FARS2: variants seen among roughly 807,000 people sequenced by gnomAD.
The protein encoded by FARS2 is phenylalanyl-tRNA synthetase 2, mitochondrial.
A neutral mutation model predicts 46.4 loss-of-function variants in FARS2; 40 were observed. The ratio of observed to expected loss-of-function variants is 0.86; its 90% CI spans 0.67 to 1.12. The LOEUF (loss-of-function observed/expected upper bound fraction) is 1.12, where lower values mean the gene tolerates loss of function less well. Among genes scored for constraint, FARS2 ranks in the 50% most tolerant of loss-of-function variants. The probability of loss-of-function intolerance (pLI) is 0.00; values close to 1 mark genes in which losing one functional copy is unlikely to be tolerated. For synonymous variants in FARS2, 234 were observed against 214.9 expected, an observed-to-expected ratio of 1.09 and a Z score of -0.78; for missense variants, 513 against 567.9, an observed-to-expected ratio of 0.90 and a Z score of 0.98.
chr6:5,731,047 C>A (rs970258345), intron 6 of FARS2, among the ~76,000 whole-genome samples: 3 of 152,156 alleles, frequency 2.0e-5, no homozygotes. Context: ...AACACTGAGA[C>A]CTGGAGCATG....
At chr6:5,693,940 A>G (rs1218855726) in intron 6 of FARS2, among the ~76,000 whole-genome samples, 4 of 152,202 alleles carry the variant, frequency 2.6e-5, no homozygotes, top group African/African-American at 7.2e-5. Context: ...GTCACATAGC[A>G]TCATTTCCAC....
At chr6:5,507,125 T>G (rs1768147905) in intron 4 of FARS2, among the ~76,000 whole-genome samples, 2 of 152,238 alleles carry the variant, frequency 1.3e-5, no homozygotes, top group African/African-American at 4.8e-5. Flanking sequence ...AATACAGTGC[T>G]TGCAGCCTTT....
At chr6:5,742,210 C>CTCAT (rs1761386977) in intron 6 of FARS2, among the ~76,000 whole-genome samples, 2 of 152,224 alleles carry the variant, frequency 1.3e-5, no homozygotes, top group Non-Finnish European at 2.9e-5. Context: ...CAGCCGGCAT[C>CTCAT]TCATGTCCCA....
At chr6:5,344,275 G>A (rs748610435) in intron 1 of FARS2, among the ~76,000 whole-genome samples, 3 of 152,172 alleles carry the variant, frequency 2.0e-5, no homozygotes, top group Non-Finnish European at 2.9e-5. Flanking sequence ...AGAGGAATAG[G>A]TTCCTGGAGA....
At chr6:5,549,900 A>G (rs990035699) in intron 5 of FARS2, among the ~76,000 whole-genome samples, 1 of 152,156 alleles carries the variant, frequency 6.6e-6, no homozygotes, top group African/African-American at 2.4e-5. Flanking sequence ...AACCCATTGC[A>G]AAATCAACTC....
intron 6 of FARS2, among the ~76,000 whole-genome samples, chr6:5,657,412 G>C (rs1246979601): frequency 1.3e-5 from 2 of 152,194 alleles, no homozygotes; most frequent in African/African-American, 4.8e-5. Flanking sequence ...ATCAAGCTTA[G>C]AATAGGAAAT....
chr6:5,472,979 T>C (rs1765888601), intron 4 of FARS2, among the ~76,000 whole-genome samples: 2 of 152,212 alleles, frequency 1.3e-5, no homozygotes. Flanking sequence ...GGATGAAGTA[T>C]CTGCAAATAT....
chr6:5,444,491 AAAGAGAGAGAGAGAGAGAGAGAGG>A (rs1764053638), intron 4 of FARS2, among the ~76,000 whole-genome samples: 5 of 17,912 alleles, frequency 2.8e-4, no homozygotes, highest in African/African-American at 1.1e-3. Context: ...AAAAAAAAAA[AAAGAGAGAGAGAGAGAGAGAGAGG>A]AAAAAATCTT....
chr6:5,327,552 C>T (rs190334275), intron 1 of FARS2, among the ~76,000 whole-genome samples: 2 of 152,320 alleles, frequency 1.3e-5, no homozygotes, highest in Admixed American at 1.3e-4. Flanking sequence ...CACACACTCT[C>T]TTGCCTGCCA....
chr6:5,725,121 A>C (rs796099690), intron 6 of FARS2, among the ~76,000 whole-genome samples: 4 of 152,400 alleles, frequency 2.6e-5, no homozygotes, highest in African/African-American at 9.6e-5. Flanking sequence ...TGGGATTTCC[A>C]TGAAATCTCT....
In FARS2 at chr6:5,499,802, G is replaced by A. The variant is rs140422705; in HGVS notation, c.905-45378G>A. 3.3e-3 allele frequency among the ~76,000 whole-genome samples: 495 copies of A among 152,228 alleles called. 6 individuals carry two copies. The highest frequency in any genetic ancestry group is 0.011 in the African/African-American group (437 of 41,534). On this transcript the variant is annotated intron_variant, in intron 4 of 6. Coordinates refer to ENST00000274680, the MANE Select transcript of FARS2 (RefSeq NM_006567.5). Reference sequence around the variant, plus strand: ...AATATCTTTGATGAGATCATAAGTCGTTCTTTTACTTTTTAAAACTAAGTG... The same window carrying A: ...AATATCTTTGATGAGATCATAAGTCATTCTTTTACTTTTTAAAACTAAGTG...
intron 5 of FARS2, among the ~76,000 whole-genome samples, chr6:5,565,678 A>G (rs1319267065): frequency 6.6e-6 from 1 of 152,250 alleles, no homozygotes; most frequent in Non-Finnish European, 1.5e-5. Flanking sequence ...AATATAACTT[A>G]AAGAAGATTG....
intron 5 of FARS2, among the ~76,000 whole-genome samples, chr6:5,573,304 A>G (rs1162056054): frequency 6.6e-6 from 1 of 152,212 alleles, no homozygotes; most frequent in African/African-American, 2.4e-5. Context: ...TCTCATTGAA[A>G]ACAATAGGCA....
upstream of FARS2, among the ~76,000 whole-genome samples, chr6:5,257,165 GC>G (rs1197844886): frequency 6.6e-6 from 1 of 152,110 alleles, no homozygotes; most frequent in Non-Finnish European, 1.5e-5. Context: ...CTGCCTGTGA[GC>G]TAAGGGTAAA....
chr6:5,553,450 C>T (rs942699092), intron 5 of FARS2, among the ~76,000 whole-genome samples: 8 of 152,172 alleles, frequency 5.3e-5, no homozygotes, highest in East Asian at 1.9e-4. Context: ...CAGTGTTATA[C>T]GTGAGAAAGT....
chr6:5,572,838 C>A (rs1268658638), intron 5 of FARS2, among the ~76,000 whole-genome samples: 3 of 152,086 alleles, frequency 2.0e-5, no homozygotes, highest in Non-Finnish European at 4.4e-5. Context: ...CACTTCTGAC[C>A]AACGCTATAG....
Position 5,368,909 on chromosome 6 carries a change from C to T in FARS2, c.339C>T (p.Tyr113=), listed in dbSNP as rs41302853. The change falls in exon 2 of 7, where the codon TAC becomes TAT. Residue 113 remains tyrosine (Y), a synonymous_variant. Transcript: ENST00000274680. ...TTGGGACCCCGTTGTTCTCGGTCTACGACAACCTTTCTCCAGTGGTCACGA... is the reference window on the plus strand; with the variant it reads ...TTGGGACCCCGTTGTTCTCGGTCTATGACAACCTTTCTCCAGTGGTCACGA... ...GRFGTPLFSV[Y]DNLSPVVTTW... is the part of the protein sequence containing the mutation. 9.3e-3 allele frequency: 15,055 copies of T among 1,614,142 alleles called. 241 individuals carry two copies. Among genetic ancestry groups the T allele is most frequent in the African/African-American group, 0.071 (5,306 of 75,026 alleles).
intron 1 of FARS2, among the ~76,000 whole-genome samples, chr6:5,263,289 A>G (rs974551271): frequency 7.9e-5 from 12 of 152,220 alleles, no homozygotes; most frequent in African/African-American, 2.4e-5. Flanking sequence ...ATAAATATGT[A>G]TAGTTTAAAT....
chr6:5,533,230 GTTACTT>G (rs959289158), intron 4 of FARS2, among the ~76,000 whole-genome samples: 3 of 152,120 alleles, frequency 2.0e-5, no homozygotes, highest in Non-Finnish European at 4.4e-5. Flanking sequence ...ACTTGTTTCT[GTTACTT>G]TGTGTGTTCC....
Sources: allele counts gnomAD v4.1 joint callset (sites outside exome capture counted in the v4.1 genomes callset), GRCh38; gene constraint gnomAD v4.1.1; transcripts MANE v1.5; gene names NCBI Gene and HGNC (gene_info 2026-07-23, HGNC 2026-07-21).